CCDC178: variants seen among roughly 807,000 people sequenced by gnomAD.
CCDC178 encodes the protein coiled-coil domain-containing protein 178.
Under a neutral mutation model 117.4 loss-of-function variants are expected in CCDC178, and 126 were observed. That is an observed-to-expected ratio of 1.07 (90% confidence interval 0.93 to 1.24). The LOEUF is 1.24. CCDC178 is among the 50% of genes most tolerant of loss of function. The pLI is 0.00. For synonymous variants in CCDC178, 283 were observed against 313.4 expected (o/e 0.90, Z 1.02); for missense variants, 1,030 against 986.9 (o/e 1.04, Z -0.59).
At chr18:32,944,504 G>C (rs1426542706) in intron 22 of CCDC178, among the ~76,000 whole-genome samples, 1 of 152,114 alleles carries the variant, frequency 6.6e-6, no homozygotes, top group Non-Finnish European at 1.5e-5. Context: ...TTGAGATGTG[G>C]CTATAAAATT....
chr18:33,294,409 C>T (rs1184289646), intron 11 of CCDC178, among the ~76,000 whole-genome samples: 1 of 152,084 alleles, frequency 6.6e-6, no homozygotes, highest in African/African-American at 2.4e-5. Flanking sequence ...ATGTAATAAA[C>T]TCCTACAAGT....
At chr18:32,974,747 A>G in intron 21 of CCDC178, 66 bp from the exon 22 acceptor site, 3 of 1,493,398 alleles carry the variant, frequency 2.0e-6, no homozygotes, top group Non-Finnish European at 2.8e-6. Context: ...GGCAGTGTTC[A>G]AGAAGAATGA....
At chr18:33,206,653 C>T (rs1189257748) in intron 20 of CCDC178, among the ~76,000 whole-genome samples, 1 of 151,880 alleles carries the variant, frequency 6.6e-6, no homozygotes, top group Non-Finnish European at 1.5e-5. Flanking sequence ...TTAGTAAACA[C>T]TGATCACACA....
rs1451271840 is a variant in CCDC178, at chr18:33,245,237, T to C, written c.1593+8A>G. 2 of 1,566,194 alleles carry C rather than the reference T, an allele frequency of 1.3e-6. No homozygotes were observed. Among genetic ancestry groups the C allele is most frequent in the Non-Finnish European group, 1.7e-6 (2 of 1,160,360 alleles). ...ATCATGAGTAAGAGGAACACAAAGA[T>C]ACACAACCTTGAACTTTCTTCTCAC... On this transcript the variant is annotated splice_region_variant and intron_variant, in intron 15 of 22. Coordinates refer to ENST00000383096, the MANE Select transcript of CCDC178 (RefSeq NM_001105528.4).
intron 21 of CCDC178, among the ~76,000 whole-genome samples, chr18:32,981,213 C>T (rs2144715118): frequency 6.6e-6 from 1 of 152,108 alleles, no homozygotes; most frequent in Non-Finnish European, 1.5e-5. Flanking sequence ...ATTAAAATTG[C>T]AGGTGGTATG....
intron 21 of CCDC178, among the ~76,000 whole-genome samples, chr18:33,063,506 C>T (rs2056963284): frequency 6.6e-6 from 1 of 152,152 alleles, no homozygotes; most frequent in Non-Finnish European, 1.5e-5. Flanking sequence ...CACCTGCATG[C>T]TTTCCTGGGA....
At position 33,015,426 on chromosome 18, in the gene CCDC178, G is replaced by A. The variant is rs1248548348; in HGVS notation, c.2389-40745C>T. On this transcript the variant is annotated intron_variant, in intron 21 of 22. Transcript: ENST00000383096. Reference sequence around the variant, plus strand: ...TAAAAATACAAACACTTAGCCGGGCGTGGTGGCAGATGCCTGTAGTCCCAC... The same window carrying A: ...TAAAAATACAAACACTTAGCCGGGCATGGTGGCAGATGCCTGTAGTCCCAC... 2.6e-5 allele frequency among the ~76,000 whole-genome samples: 4 copies of A among 151,944 alleles called. No homozygotes were observed. The East Asian group carries it at 5.8e-4, about 22-fold the overall frequency.
At chr18:33,128,805 A>G (rs146178954) in intron 20 of CCDC178, among the ~76,000 whole-genome samples, 200 of 152,252 alleles carry the variant, frequency 1.3e-3, no homozygotes, top group Middle Eastern at 3.4e-3. Context: ...CTGTCCAAAT[A>G]CAATTTTCTT....
At chr18:33,408,360 C>T (rs1051695826) in intron 3 of CCDC178, among the ~76,000 whole-genome samples, 2 of 151,538 alleles carry the variant, frequency 1.3e-5, no homozygotes, top group African/African-American at 4.8e-5. Context: ...AAAAACCAGC[C>T]TAGTGATAGA....
At chr18:32,975,831 T>C (rs2055018050) in intron 21 of CCDC178, among the ~76,000 whole-genome samples, 1 of 152,128 alleles carries the variant, frequency 6.6e-6, no homozygotes, top group Non-Finnish European at 1.5e-5. Context: ...AAAATGTGGC[T>C]ATCTGATGGG....
intron 14 of CCDC178, among the ~76,000 whole-genome samples, chr18:33,251,524 G>A (rs904773779): frequency 6.6e-6 from 1 of 151,840 alleles, no homozygotes; most frequent in East Asian, 1.9e-4. Flanking sequence ...TGCTAATGAA[G>A]CTTAAACATG....
chr18:33,330,725 A>C (rs537195511), intron 10 of CCDC178, among the ~76,000 whole-genome samples: 1 of 152,128 alleles, frequency 6.6e-6, no homozygotes, highest in African/African-American at 2.4e-5. Context: ...CTAAAGACCC[A>C]GGGAAAGGTT....
At chr18:33,405,810 A>G (rs1197995027) in intron 3 of CCDC178, among the ~76,000 whole-genome samples, 1 of 152,086 alleles carries the variant, frequency 6.6e-6, no homozygotes, top group African/African-American at 2.4e-5. Flanking sequence ...GAAAAGTATA[A>G]TAGGCTGGAA....
At chr18:32,953,135 C>T (rs1440501842) in intron 22 of CCDC178, among the ~76,000 whole-genome samples, 2 of 152,154 alleles carry the variant, frequency 1.3e-5, no homozygotes, top group African/African-American at 2.4e-5. Context: ...ATTTCTTCCA[C>T]CAGATACCCT....
chr18:33,349,730 A>T (rs2062945779), intron 7 of CCDC178, among the ~76,000 whole-genome samples: 1 of 151,868 alleles, frequency 6.6e-6, no homozygotes, highest in South Asian at 2.1e-4. Context: ...TCATTACATT[A>T]TTTTTTATTA....
intron 20 of CCDC178, among the ~76,000 whole-genome samples, chr18:33,152,548 AAAGATCATGT>A (rs1404566200): frequency 6.6e-6 from 1 of 152,008 alleles, no homozygotes; most frequent in African/African-American, 2.4e-5. Flanking sequence ...TGAAAGATCA[AAAGATCATGT>A]AAGGGAATGG....
At chr18:33,227,532 ATGTGTGTGTGTGTGTGTGTGTG>A (rs750171342) in intron 15 of CCDC178, among the ~76,000 whole-genome samples, 2 of 121,614 alleles carry the variant, frequency 1.6e-5, no homozygotes, top group African/African-American at 6.0e-5. Flanking sequence ...AGATATATGT[ATGTGTGTGTGTGTGTGTGTGTG>A]TGTATATATA....
intron 21 of CCDC178, among the ~76,000 whole-genome samples, chr18:33,061,342 TAAAGA>T (rs908976229): frequency 7.2e-4 from 110 of 152,126 alleles, no homozygotes; most frequent in African/African-American, 2.3e-3. Context: ...GAAGTATAAA[TAAAGA>T]AAAGTAACCA....
chr18:32,988,473 A>G (rs1277265876), intron 21 of CCDC178, among the ~76,000 whole-genome samples: 2 of 152,194 alleles, frequency 1.3e-5, no homozygotes, highest in Non-Finnish European at 2.9e-5. Context: ...ATTCTTTAAT[A>G]CTGATTGCTA....
Sources: allele counts gnomAD v4.1 joint callset (sites outside exome capture counted in the v4.1 genomes callset), GRCh38; gene constraint gnomAD v4.1.1; transcripts MANE v1.5; gene names NCBI Gene and HGNC (gene_info 2026-07-23, HGNC 2026-07-21).